The following COPS4 variants were observed in gnomAD, a reference collection of about 807,000 sequenced individuals.
COPS4 encodes COP9 signalosome complex subunit 4.
Under a neutral mutation model 55.1 loss-of-function variants are expected in COPS4, and 8 were observed. The observed-to-expected ratio is 0.15, with a 90% confidence interval of 0.09 to 0.26. The LOEUF (loss-of-function observed/expected upper bound fraction) is 0.26. Ranked by LOEUF, COPS4 falls within the 10% of genes least tolerant of loss-of-function variation. The pLI is 1.00. For synonymous variants in COPS4, 185 were observed against 165.7 expected, an observed-to-expected ratio of 1.12 and a Z score of -0.90; for missense variants, 248 against 484.0, an observed-to-expected ratio of 0.51 and a Z score of 4.58.
chr4:83,057,842 A>C (rs1206040227), intron 6 of COPS4, among the ~76,000 whole-genome samples: 4 of 151,302 alleles, frequency 2.6e-5, no homozygotes, highest in Admixed American at 1.3e-4. Context: ...GAATGGCGTG[A>C]ATCCAGGAGG....
intron 1 of COPS4, 173 bp downstream of exon 1, chr4:83,035,471 G>T (rs979721769): frequency 9.0e-6 from 4 of 445,108 alleles, no homozygotes; most frequent in African/African-American, 4.0e-5. Flanking sequence ...CAGAAAGCTG[G>T]AGGGGACCTT....
At chr4:83,053,623 C>T (rs1730942761) in intron 4 of COPS4, among the ~76,000 whole-genome samples, 1 of 151,412 alleles carries the variant, frequency 6.6e-6, no homozygotes, top group African/African-American at 2.4e-5. Flanking sequence ...GGCAGATCAC[C>T]TGAGGTCGGG....
At chr4:83,055,536 C>T (rs750580841) in intron 4 of COPS4, among the ~76,000 whole-genome samples, 5 of 151,632 alleles carry the variant, frequency 3.3e-5, no homozygotes, top group Admixed American at 6.6e-5. Flanking sequence ...CTCCACCTCC[C>T]GGGTTCAAGC....
At chr4:83,059,737 C>A (rs944576443) in intron 6 of COPS4, among the ~76,000 whole-genome samples, 6 of 151,440 alleles carry the variant, frequency 4.0e-5, no homozygotes, top group African/African-American at 1.5e-4. Flanking sequence ...CACTCTGTTG[C>A]CCAGGCTGGA....
chr4:83,045,535 A>G, intron 1 of COPS4, 91 bp from the exon 2 acceptor site: 1 of 1,001,838 alleles, frequency 1.0e-6, no homozygotes, highest in Non-Finnish European at 1.5e-6. Context: ...GAAAGAAACC[A>G]AGGTATGTAG....
chr4:83,063,978 G>T (rs1158217741), intron 7 of COPS4, among the ~76,000 whole-genome samples: 1 of 152,136 alleles, frequency 6.6e-6, no homozygotes, highest in Non-Finnish European at 1.5e-5. Flanking sequence ...GAGATTACAG[G>T]CGTGAGCCAC....
intron 4 of COPS4, among the ~76,000 whole-genome samples, chr4:83,053,310 T>G (rs1730932813): frequency 6.6e-6 from 1 of 152,178 alleles, no homozygotes; most frequent in Admixed American, 6.5e-5. Context: ...AGTTGCAATT[T>G]TTGCCTAACA....
At chr4:83,059,931 G>A (rs1196588231) in intron 6 of COPS4, among the ~76,000 whole-genome samples, 3 of 151,984 alleles carry the variant, frequency 2.0e-5, no homozygotes, top group African/African-American at 7.2e-5. Context: ...TCGATCTCCT[G>A]ACCTTGTGAT....
At chr4:83,047,917 C>G in intron 2 of COPS4, among the ~76,000 whole-genome samples, 1 of 151,732 alleles carries the variant, frequency 6.6e-6, no homozygotes, top group East Asian at 1.9e-4. Flanking sequence ...AGGAGAATGG[C>G]ATGAACCCGG....
chr4:83,049,101 G>A, intron 2 of COPS4, 65 bp from the exon 3 acceptor site: 1 of 1,456,280 alleles, frequency 6.9e-7, no homozygotes, highest in Non-Finnish European at 9.4e-7. Context: ...TTTAAGTAAA[G>A]GTTGATTGTT....
At chr4:83,067,060 ATTTAT>A (rs1468629990) in intron 8 of COPS4, among the ~76,000 whole-genome samples, 2 of 151,712 alleles carry the variant, frequency 1.3e-5, no homozygotes, top group East Asian at 1.9e-4. Flanking sequence ...TTGTCTGTTT[ATTTAT>A]TTTATTTTTT....
chr4:83,061,135 C>CT (rs931788527), intron 6 of COPS4, among the ~76,000 whole-genome samples: 10 of 150,584 alleles, frequency 6.6e-5, no homozygotes, highest in Non-Finnish European at 1.3e-4. Flanking sequence ...TCTGCATGAA[C>CT]TTTTTTTTTC....
intron 4 of COPS4, among the ~76,000 whole-genome samples, chr4:83,054,900 A>T (rs1730978624): frequency 6.6e-6 from 1 of 152,258 alleles, no homozygotes; most frequent in Non-Finnish European, 1.5e-5. Flanking sequence ...CATTCTGATT[A>T]TGAAAGTAAT....
At position 83,044,636 on chromosome 4, in the gene COPS4, G is replaced by A. The variant is rs551604353; in HGVS notation, c.75-990G>A. On this transcript the variant is annotated intron_variant, in intron 1 of 9. Coordinates refer to ENST00000264389, the MANE Select transcript of COPS4 (RefSeq NM_016129.3). ...CTAAAAATACAAAAATTAGCCAGGC[G>A]TGGTGGCGCATGCCTGTAATCCCAG... is the stretch of plus-strand genomic sequence containing the variant. Among the ~76,000 whole-genome samples, 205 of 148,586 alleles carry A rather than the reference G, an allele frequency of 1.4e-3. 1 individual carries two copies. Among genetic ancestry groups the A allele is most frequent in the African/African-American group, 2.4e-3 (97 of 40,304 alleles).
intron 6 of COPS4, among the ~76,000 whole-genome samples, chr4:83,060,714 A>G (rs1731143812): frequency 6.6e-6 from 1 of 151,808 alleles, no homozygotes; most frequent in Non-Finnish European, 1.5e-5. Flanking sequence ...TACTTTCTTT[A>G]ACATAATAAG....
Position 83,035,198 on chromosome 4 carries a change from C to T in COPS4, c.-27C>T, listed in dbSNP as rs376441994. 5.2e-6 allele frequency: 8 copies of T among 1,538,958 alleles called. No individual in the cohort carries two copies. The highest frequency in any genetic ancestry group is 2.2e-5 in the South Asian group (2 of 89,160). On this transcript the variant is annotated 5_prime_UTR_variant, in exon 1 of 10. Coordinates refer to ENST00000264389, the MANE Select transcript of COPS4 (RefSeq NM_016129.3). The stretch of plus-strand genomic sequence containing the variant: ...TTTCTTTTTGGCTGCCAGAGGCCCC[C>T]GCATCCACCGCTGAGCTGGGAGAAA...
intron 2 of COPS4, among the ~76,000 whole-genome samples, chr4:83,047,671 T>C (rs1266905237): frequency 2.0e-5 from 3 of 152,202 alleles, no homozygotes; most frequent in Non-Finnish European, 4.4e-5. Context: ...TGAACAGTTT[T>C]TGAATCACTT....
intron 1 of COPS4, among the ~76,000 whole-genome samples, chr4:83,038,427 C>T (rs1730478655): frequency 1.3e-5 from 2 of 152,158 alleles, no homozygotes; most frequent in South Asian, 4.1e-4. Flanking sequence ...TGCCTATGAG[C>T]CCTTAACTCT....
chr4:83,058,763 C>T (rs1321394008), intron 6 of COPS4, among the ~76,000 whole-genome samples: 1 of 152,082 alleles, frequency 6.6e-6, no homozygotes, highest in East Asian at 1.9e-4. Context: ...TATTGTCTGG[C>T]TTTATCATAA....
Sources: allele counts gnomAD v4.1 joint callset (sites outside exome capture counted in the v4.1 genomes callset), GRCh38; gene constraint gnomAD v4.1.1; transcripts MANE v1.5; gene names NCBI Gene and HGNC (gene_info 2026-07-23, HGNC 2026-07-21).